The following KCTD16 variants were observed in gnomAD, a reference collection of about 807,000 sequenced individuals.
KCTD16 encodes potassium channel tetramerization domain containing 16, also known as BTB/POZ domain-containing protein KCTD16.
KCTD16 carries 13 observed loss-of-function variants against 33.2 expected under a neutral mutation model. The observed-to-expected ratio is 0.39, with a 90% confidence interval of 0.25 to 0.62. The LOEUF (loss-of-function observed/expected upper bound fraction) is 0.62. KCTD16 is among the 20% of genes least tolerant of loss of function. KCTD16 has a pLI of 0.50. For synonymous variants in KCTD16, 197 were observed against 195.3 expected (o/e 1.01, Z -0.07); for missense variants, 441 against 525.1 (o/e 0.84, Z 1.57).
intron 3 of KCTD16, among the ~76,000 whole-genome samples, chr5:144,437,052 C>A (rs961090215): frequency 6.6e-6 from 1 of 152,134 alleles, no homozygotes; most frequent in Admixed American, 6.5e-5. Context: ...CAGGACTTCA[C>A]AGAAAACCAG....
At chr5:144,376,303 T>C (rs1173435505) in intron 3 of KCTD16, among the ~76,000 whole-genome samples, 1 of 152,214 alleles carries the variant, frequency 6.6e-6, no homozygotes, top group Non-Finnish European at 1.5e-5. Context: ...TTATGAAAGG[T>C]ATAGTCTTTA....
rs1297661903 is a variant in KCTD16, at chr5:144,478,972, T to C, written c.*4858T>C. On this transcript the variant is annotated 3_prime_UTR_variant, in exon 4 of 4. Transcript: ENST00000512467. ...AAAATAAAAGCCTGCATTATTATAGTCTTAGCTCTGGGTAGATGGGAGCAT... is the reference window on the plus strand; with the variant it reads ...AAAATAAAAGCCTGCATTATTATAGCCTTAGCTCTGGGTAGATGGGAGCAT... 6.6e-6 allele frequency: 1 copy of C among 151,930 alleles called. No individual in the cohort carries two copies. Among genetic ancestry groups the C allele is most frequent in the Non-Finnish European group, 1.5e-5 (1 of 67,904 alleles). 9.4% of individuals were successfully genotyped at this position (151,930 alleles called of 1,614,324 possible). A position where few individuals can be genotyped will look rare whatever the true frequency, so the allele number is the denominator to read the frequency against.
At chr5:144,260,937 T>C (rs1048214031) in intron 3 of KCTD16, among the ~76,000 whole-genome samples, 1 of 152,022 alleles carries the variant, frequency 6.6e-6, no homozygotes, top group Non-Finnish European at 1.5e-5. Flanking sequence ...ATTAACTCTA[T>C]AGGCTGGCAG....
chr5:144,357,499 C>G (rs192152172), intron 3 of KCTD16, among the ~76,000 whole-genome samples: 2 of 152,198 alleles, frequency 1.3e-5, no homozygotes, highest in East Asian at 1.9e-4. Flanking sequence ...ATAAAACACT[C>G]TAGCCATCAA....
intron 3 of KCTD16, among the ~76,000 whole-genome samples, chr5:144,310,349 T>C (rs1157388845): frequency 6.6e-6 from 1 of 152,190 alleles, no homozygotes; most frequent in Non-Finnish European, 1.5e-5. Flanking sequence ...TGAATAGTGC[T>C]GCAATTAGCA....
chr5:144,318,731 T>C (rs1050344383), intron 3 of KCTD16, among the ~76,000 whole-genome samples: 3 of 152,172 alleles, frequency 2.0e-5, no homozygotes, highest in African/African-American at 7.2e-5. Context: ...GCGGAATTAC[T>C]TGGCAAAGAA....
intron 2 of KCTD16, among the ~76,000 whole-genome samples, chr5:144,180,400 C>G (rs919956209): frequency 2.0e-5 from 3 of 152,166 alleles, no homozygotes; most frequent in Admixed American, 2.0e-4. Flanking sequence ...TGCCATATTT[C>G]TCAATGTAAC....
chr5:144,453,142 G>A (rs1420703615), intron 3 of KCTD16, among the ~76,000 whole-genome samples: 2 of 152,116 alleles, frequency 1.3e-5, no homozygotes, highest in African/African-American at 4.8e-5. Flanking sequence ...CCTGGGCAGA[G>A]GGTGAAGGGC....
intron 3 of KCTD16, among the ~76,000 whole-genome samples, chr5:144,223,361 A>T (rs532950405): frequency 9.2e-5 from 14 of 152,326 alleles, no homozygotes; most frequent in Non-Finnish European, 1.6e-4. Context: ...TTCTAAAGAC[A>T]TCATTAAAGT....
chr5:144,306,879 C>T (rs1373485053), intron 3 of KCTD16, among the ~76,000 whole-genome samples: 1 of 152,204 alleles, frequency 6.6e-6, no homozygotes, highest in Non-Finnish European at 1.5e-5. Flanking sequence ...TACTGTGGGA[C>T]AACACGTTCA....
chr5:144,305,878 G>C (rs988756671), intron 3 of KCTD16, among the ~76,000 whole-genome samples: 8 of 152,146 alleles, frequency 5.3e-5, no homozygotes, highest in African/African-American at 1.9e-4. Context: ...AAGCCAAGGA[G>C]AGAGCCCTCA....
At chr5:144,365,327 G>A (rs932303357) in intron 3 of KCTD16, among the ~76,000 whole-genome samples, 13 of 151,918 alleles carry the variant, frequency 8.6e-5, no homozygotes, top group African/African-American at 2.4e-4. Flanking sequence ...ACGGTCTTAC[G>A]TTATACAATT....
At chr5:144,460,095 G>A (rs1039972120) in intron 3 of KCTD16, among the ~76,000 whole-genome samples, 13 of 152,088 alleles carry the variant, frequency 8.5e-5, no homozygotes, top group Non-Finnish European at 1.9e-4. Flanking sequence ...GCCTCCCAAA[G>A]TGCTGGGATT....
intron 3 of KCTD16, among the ~76,000 whole-genome samples, chr5:144,417,360 CTAA>C (rs1199934090): frequency 6.6e-6 from 1 of 152,014 alleles, no homozygotes; most frequent in Non-Finnish European, 1.5e-5. Flanking sequence ...TTGCATTTCC[CTAA>C]TGACTAATGA....
At chr5:144,393,419 A>G (rs1287289900) in intron 3 of KCTD16, among the ~76,000 whole-genome samples, 1 of 152,078 alleles carries the variant, frequency 6.6e-6, no homozygotes, top group African/African-American at 2.4e-5. Flanking sequence ...GTGTTTTTCT[A>G]TGTGAATATT....
At chr5:144,314,675 T>G (rs73295826) in intron 3 of KCTD16, among the ~76,000 whole-genome samples, 2,344 of 152,306 alleles carry the variant, frequency 0.015, 60 homozygotes, top group African/African-American at 0.053. Flanking sequence ...CTCTTAGTTA[T>G]ACTTCCTTAA....
In KCTD16 at chr5:144,374,621, T is replaced by G. The variant is rs369931785; in HGVS notation, c.833-99039T>G. Among the ~76,000 whole-genome samples the G allele has an allele frequency of 1.3e-4, 20 of 152,290 alleles. No individual in the cohort carries two copies. In the East Asian group the frequency reaches 3.7e-3, roughly 28 times the overall value. Reference sequence around the variant, plus strand: ...TCATGATTACTAATAGAGGTAGTGTTTTCCTGTCCCTAGTAGAAAGGAAAG... The same window carrying G: ...TCATGATTACTAATAGAGGTAGTGTGTTCCTGTCCCTAGTAGAAAGGAAAG... On this transcript the variant is annotated intron_variant, in intron 3 of 3. Transcript: ENST00000512467.
chr5:144,484,005 AG>A lies in KCTD16; in HGVS notation c.*9895del, dbSNP rs1754755156. ...TTTTTTCCCCAAAATTTTGGAGCAG[AG>A]GGGACGTTTTACATCATCCTAACTT... On this transcript the variant is annotated 3_prime_UTR_variant, in exon 4 of 4. Transcript: ENST00000512467. The A allele has an allele frequency of 6.6e-6, 1 of 151,924 alleles. No individual in the cohort carries two copies. The highest frequency in any genetic ancestry group is 6.6e-5 in the Admixed American group (1 of 15,220). The allele number at this position is 151,924 out of a possible 1,614,324, so 9.4% of individuals were successfully genotyped here. A position where few individuals can be genotyped will look rare whatever the true frequency, so the allele number is the denominator to read the frequency against.
chr5:144,174,638 A>T (rs751887267), intron 2 of KCTD16, among the ~76,000 whole-genome samples, 166 bp downstream of exon 2: 7 of 152,088 alleles, frequency 4.6e-5, no homozygotes, highest in Non-Finnish European at 1.0e-4. Context: ...CTTTTGTTTC[A>T]ATTATTTTAC....
Sources: gnomAD v4.1 joint callset for allele counts (sites outside exome capture counted in the v4.1 genomes callset) on GRCh38, gnomAD v4.1.1 for gene constraint, MANE v1.5 for transcripts, NCBI Gene and HGNC (gene_info 2026-07-23, HGNC 2026-07-21) for gene names.